ME3: variants seen among roughly 807,000 people sequenced by gnomAD.
The protein encoded by ME3 is NADP-dependent malic enzyme, mitochondrial.
ME3 carries 48 observed loss-of-function variants against 68.9 expected under a neutral mutation model. That is an observed-to-expected ratio of 0.70 (90% CI 0.55 to 0.89). The LOEUF is 0.89. Among genes scored for constraint, ME3 ranks in the 40% least tolerant of loss-of-function variants. ME3 has a pLI of 0.00. For synonymous variants in ME3, 320 were observed against 318.8 expected (o/e 1.00, Z -0.04); for missense variants, 675 against 797.4 (o/e 0.85, Z 1.85).
chr11:86,611,839 T>C (rs1194140585), intron 2 of ME3, among the ~76,000 whole-genome samples: 1 of 152,192 alleles, frequency 6.6e-6, no homozygotes, highest in East Asian at 1.9e-4. Context: ...AAAAAGTTGC[T>C]GAGAGGAACA....
intron 2 of ME3, among the ~76,000 whole-genome samples, chr11:86,579,536 TCTCA>T (rs1958316956): frequency 6.6e-6 from 1 of 152,166 alleles, no homozygotes; most frequent in Non-Finnish European, 1.5e-5. Context: ...CATCTGAGGC[TCTCA>T]CTAAACACAG....
rs143825510 is a variant in ME3 at position 86,497,098 on chromosome 11, C to T, written c.705+865G>A. Reference sequence around the variant, plus strand: ...CCAGGTTCTCCTGGGATTCTCCTGTCTCAGCCTCCCCAGTAGCTGGGATTA... The same window carrying T: ...CCAGGTTCTCCTGGGATTCTCCTGTTTCAGCCTCCCCAGTAGCTGGGATTA... On this transcript the variant is annotated intron_variant, in intron 6 of 14. Transcript: ENST00000543262. Among the ~76,000 whole-genome samples the T allele has an allele frequency of 5.6e-3, 856 of 152,222 alleles. 7 individuals are homozygous for T. The highest frequency in any genetic ancestry group is 0.02 in the African/African-American group (819 of 41,534).
At chr11:86,630,804 G>A (rs1371030138) in intron 2 of ME3, among the ~76,000 whole-genome samples, 2 of 152,246 alleles carry the variant, frequency 1.3e-5, no homozygotes, top group Admixed American at 6.5e-5. Flanking sequence ...TTCAAGGGCT[G>A]AGGCCAGTGC....
chr11:86,629,641 CTGTCTTGGGTATCTTCTG>C (rs1943888601), intron 2 of ME3, among the ~76,000 whole-genome samples: 1 of 152,202 alleles, frequency 6.6e-6, no homozygotes, highest in African/African-American at 2.4e-5. Flanking sequence ...TCAGCTCTTA[CTGTCTTGGGTATCTTCTG>C]TGTCTTGGTG....
intron 2 of ME3, among the ~76,000 whole-genome samples, chr11:86,583,642 G>A (rs773151975): frequency 5.3e-5 from 8 of 152,160 alleles, no homozygotes; most frequent in African/African-American, 1.2e-4. Context: ...GAGTCCTGAT[G>A]TCATTTTCTT....
At chr11:86,508,890 A>C (rs1953290224) in intron 4 of ME3, 23 bp from the exon 5 acceptor site, 7 of 1,579,276 alleles carry the variant, frequency 4.4e-6, no homozygotes, top group Non-Finnish European at 6.1e-6. Flanking sequence ...AAACACGTAC[A>C]CACAGAGAAA....
intron 4 of ME3, among the ~76,000 whole-genome samples, chr11:86,533,052 CAA>C (rs112609101): frequency 6.1e-5 from 8 of 131,364 alleles, no homozygotes; most frequent in South Asian, 2.5e-4. Context: ...ATGGGGTCTC[CAA>C]AAAAAAAAAG....
chr11:86,523,555 C>A (rs544230022), intron 4 of ME3, among the ~76,000 whole-genome samples: 3 of 152,024 alleles, frequency 2.0e-5, no homozygotes, highest in Non-Finnish European at 2.9e-5. Flanking sequence ...ATTGCTCTAT[C>A]CTCTTTTTTG....
At chr11:86,606,098 C>G (rs1961606138) in intron 2 of ME3, among the ~76,000 whole-genome samples, 1 of 152,182 alleles carries the variant, frequency 6.6e-6, no homozygotes, top group South Asian at 2.1e-4. Context: ...CTCCCCAAAG[C>G]TACCACAGCT....
intron 4 of ME3, among the ~76,000 whole-genome samples, chr11:86,536,175 G>A (rs1188278201): frequency 6.6e-6 from 1 of 152,138 alleles, no homozygotes; most frequent in Non-Finnish European, 1.5e-5. Flanking sequence ...TTGTATTTGA[G>A]TTCACCCTGG....
chr11:86,528,856 A>G (rs1954979253), intron 4 of ME3, among the ~76,000 whole-genome samples: 1 of 152,200 alleles, frequency 6.6e-6, no homozygotes, highest in Non-Finnish European at 1.5e-5. Flanking sequence ...CATTCAAAGC[A>G]GTGTGTAGAG....
intron 10 of ME3, among the ~76,000 whole-genome samples, chr11:86,449,027 G>C (rs1474835937): frequency 6.6e-6 from 1 of 152,166 alleles, no homozygotes; most frequent in Non-Finnish European, 1.5e-5. Flanking sequence ...GGGGTGGGTG[G>C]GAAGAGGAAT....
intron 2 of ME3, among the ~76,000 whole-genome samples, chr11:86,603,492 C>CTGTT (rs554317216): frequency 1.5e-4 from 23 of 150,574 alleles, no homozygotes; most frequent in East Asian, 3.9e-4. Flanking sequence ...CACTTTTACA[C>CTGTT]GGTGGGACTG....
intron 2 of ME3, among the ~76,000 whole-genome samples, chr11:86,648,730 T>G (rs1945202603): frequency 6.6e-6 from 1 of 152,108 alleles, no homozygotes; most frequent in Non-Finnish European, 1.5e-5. Flanking sequence ...CTAGAAAATC[T>G]AGAAAAATGT....
intron 2 of ME3, among the ~76,000 whole-genome samples, chr11:86,591,509 G>T (rs934813911): frequency 1.2e-4 from 18 of 152,210 alleles, no homozygotes; most frequent in African/African-American, 3.9e-4. Context: ...CAGCAGGAAG[G>T]TGGCCATCTG....
intron 4 of ME3, among the ~76,000 whole-genome samples, chr11:86,526,063 G>C (rs568538431): frequency 2.4e-4 from 36 of 152,334 alleles, no homozygotes; most frequent in African/African-American, 8.2e-4. Context: ...GCCGAAGCAG[G>C]GCGAGGCATT....
At position 86,501,633 on chromosome 11, in the gene ME3, A is replaced by G. The variant is rs1433612149; in HGVS notation, c.544-3509T>C. On this transcript the variant is annotated intron_variant, in intron 5 of 14. Coordinates refer to ENST00000543262, the Ensembl canonical transcript of ME3. ...TCCCAATTCCCACAAGTCCCTAACCAAATGAATCCTCTTTTCCCTCTTACT... is the reference window on the plus strand; with the variant it reads ...TCCCAATTCCCACAAGTCCCTAACCGAATGAATCCTCTTTTCCCTCTTACT... 5.3e-5 allele frequency among the ~76,000 whole-genome samples: 8 copies of G among 152,198 alleles called. No individual in the cohort carries two copies. The East Asian group carries it at 1.3e-3, about 26-fold the overall frequency.
chr11:86,573,347 C>CT (rs1362937811), intron 2 of ME3, among the ~76,000 whole-genome samples: 2 of 151,196 alleles, frequency 1.3e-5, no homozygotes, highest in African/African-American at 4.9e-5. Context: ...GTCATAAAGT[C>CT]TTTGCCCATG....
intron 4 of ME3, among the ~76,000 whole-genome samples, chr11:86,519,722 T>C (rs1332903660): frequency 6.6e-6 from 1 of 152,120 alleles, no homozygotes; most frequent in African/African-American, 2.4e-5. Flanking sequence ...TCAGTAGCAG[T>C]CTCCCAGAGG....
Sources: allele counts gnomAD v4.1 joint callset (sites outside exome capture counted in the v4.1 genomes callset), GRCh38; gene constraint gnomAD v4.1.1; transcripts MANE v1.5; gene names NCBI Gene and HGNC (gene_info 2026-07-23, HGNC 2026-07-21).